Variants in CFAP74 observed in about 807,000 individuals in gnomAD.
CFAP74 encodes the protein cilia- and flagella-associated protein 74.
CFAP74 carries 124 observed loss-of-function variants against 188.9 expected under a neutral mutation model. The observed-to-expected ratio is 0.66, with a 90% CI of 0.57 to 0.76. CFAP74 has a LOEUF of 0.76. Ranked by LOEUF, CFAP74 falls within the 30% of genes least tolerant of loss-of-function variation. The probability of loss-of-function intolerance (pLI) is 0.00; values close to 1 mark genes in which losing one functional copy is unlikely to be tolerated. For missense variants in CFAP74, 2,198 were observed against 2,165.2 expected (o/e 1.02, Z -0.30); for synonymous variants, 956 against 916.7 (o/e 1.04, Z -0.77).
intron 24 of CFAP74, among the ~76,000 whole-genome samples, 161 bp from the exon 25 acceptor site, chr1:1,939,149 T>A (rs1653173434): frequency 6.6e-6 from 1 of 151,970 alleles, no homozygotes; most frequent in Non-Finnish European, 1.5e-5. Flanking sequence ...AGCAAGTGTG[T>A]GAGTGTGAGC....
chr1:1,963,599 A>C lies in CFAP74; in HGVS notation c.1694+150T>G, dbSNP rs549160412. The C allele has an allele frequency of 2.2e-4, 118 of 547,490 alleles. 3 individuals carry two copies. The South Asian group carries it at 3.1e-3, about 14-fold the overall frequency. The allele number at this position is 547,490 out of a possible 1,614,324, so 33.9% of individuals were successfully genotyped here. ...GGACGACTTTGACACAAGAAGACAG[A>C]GGAGCCCCCTCTACAAAATCTTCGT... is the stretch of plus-strand genomic sequence containing the variant. On this transcript the variant is annotated intron_variant, in intron 14 of 38. Transcript: ENST00000682832.
intron 32 of CFAP74, 127 bp downstream of exon 32, chr1:1,926,101 G>C: frequency 7.0e-7 from 1 of 1,420,518 alleles, no homozygotes; most frequent in Non-Finnish European, 9.3e-7. Context: ...CTGGGGGCCA[G>C]GCTGCTCGCA....
chr1:1,972,027 G>T lies in CFAP74; in HGVS notation c.841C>A (p.Arg281Ser). ...TTCAGCGCCACCACCGCATCCATGCGTCGCCTCATGTACTCGTGGCACTCC... is the reference window on the plus strand; with the variant it reads ...TTCAGCGCCACCACCGCATCCATGCTTCGCCTCATGTACTCGTGGCACTCC... ...EMECHEYMRR[R>S]MDAVVALKGS... The change falls in exon 9 of 39, where the codon CGC becomes AGC. Residue 281 changes from arginine to serine, a missense_variant. Physicochemically the swap from Arg to Ser is moderately radical, Grantham distance 110. Transcript: ENST00000682832. 6.2e-7 allele frequency: 1 copy of T among 1,612,830 alleles called. No individual in the cohort carries two copies. The highest frequency in any genetic ancestry group is 1.1e-5 in the South Asian group (1 of 91,088).
intron 25 of CFAP74, 94 bp from the exon 26 acceptor site, chr1:1,930,430 G>T: frequency 8.1e-7 from 1 of 1,231,664 alleles, no homozygotes; most frequent in Non-Finnish European, 1.1e-6. Context: ...GACAAGCCCC[G>T]GGGGGGGCTC....
Position 1,964,951 on chromosome 1 carries a change from C to A in CFAP74, c.1512G>T (p.Val504=), listed in dbSNP as rs757919304. The A allele has an allele frequency of 2.5e-6, 4 of 1,613,898 alleles. No homozygotes were observed. The highest frequency in any genetic ancestry group is 3.4e-6 in the Non-Finnish European group (4 of 1,179,990). The change falls in exon 13 of 39, where the codon GTG becomes GTT. Residue 504 remains valine (V), a synonymous_variant. Coordinates refer to ENST00000682832, the MANE Select transcript of CFAP74 (RefSeq NM_001304360.2). ...GTCCTTGGAACTCACGCCCCCACAC[C>A]ACCTGCTTGTGGACCACCCTGCTCC... The part of the protein sequence containing the change: ...RLRSRVVHKQ[V]VWGREFQGRP...
intron 11 of CFAP74, among the ~76,000 whole-genome samples, chr1:1,967,024 G>A (rs1655520306): frequency 6.6e-6 from 1 of 152,176 alleles, no homozygotes; most frequent in Non-Finnish European, 1.5e-5. Context: ...TTTTAGTAGA[G>A]ATGGGGTTTC....
chr1:1,973,995 G>A lies in CFAP74; in HGVS notation c.674+30C>T. Reference sequence around the variant, plus strand: ...AGGGGCTGGCAGAAGCTGCTGGGAAGGGATGGAGGTGGGCCTGGGTGTCGC... The same window carrying A: ...AGGGGCTGGCAGAAGCTGCTGGGAAAGGATGGAGGTGGGCCTGGGTGTCGC... On this transcript the variant is annotated intron_variant, in intron 7 of 38. Coordinates refer to ENST00000682832, the MANE Select transcript of CFAP74 (RefSeq NM_001304360.2). The surrounding 1 kb of genome is among the most constrained non-coding windows in gnomAD (Gnocchi z 6.2). 2.7e-6 allele frequency: 4 copies of A among 1,504,254 alleles called. No individual in the cohort carries two copies. Among genetic ancestry groups the A allele is most frequent in the Non-Finnish European group, 3.6e-6 (4 of 1,121,578 alleles). 93.2% of individuals were successfully genotyped at this position (1,504,254 alleles called of 1,614,324 possible). A position where few individuals can be genotyped will look rare whatever the true frequency, so the allele number is the denominator to read the frequency against.
At position 2,002,149 on chromosome 1, in the gene CFAP74, A is replaced by G. The variant is rs542525325; in HGVS notation, c.-20+1552T>C. Among the ~76,000 whole-genome samples, 11 of 152,140 alleles carry G rather than the reference A, an allele frequency of 7.2e-5. No homozygotes were observed. The South Asian group carries it at 2.3e-3, about 32-fold the overall frequency. On this transcript the variant is annotated intron_variant, in intron 1 of 38. Transcript: ENST00000682832. ...CTCGTTTGTGGAAAATACACTCTAC[A>G]AGGGTGGGGGGCGACAGAGCATCAT...
intron 18 of CFAP74, among the ~76,000 whole-genome samples, chr1:1,952,216 G>T (rs2102057289): frequency 6.6e-6 from 1 of 152,260 alleles, no homozygotes; most frequent in East Asian, 1.9e-4. Flanking sequence ...GCCTCCCAAA[G>T]TGCTGGGATT....
Position 1,926,882 on chromosome 1 carries a change from A to G in CFAP74, c.3662+12T>C. On this transcript the variant is annotated intron_variant, in intron 29 of 38. Coordinates refer to ENST00000682832, the MANE Select transcript of CFAP74 (RefSeq NM_001304360.2). ...GCTGACCACACCCTGTTCTGGCCAGAGCACCCCGCACCTGAAGCTCAGGGG... is the reference window on the plus strand; with the variant it reads ...GCTGACCACACCCTGTTCTGGCCAGGGCACCCCGCACCTGAAGCTCAGGGG... 1 of 1,549,948 alleles carries G rather than the reference A, an allele frequency of 6.5e-7. No individual in the cohort carries two copies. The highest frequency in any genetic ancestry group is 2.0e-5 in the Admixed American group (1 of 50,982).
rs149113126 is a variant in CFAP74, at chr1:1,960,320, C to T, written c.1695-290G>A. Among the ~76,000 whole-genome samples the T allele has an allele frequency of 3.1e-3, 476 of 152,372 alleles. 1 individual carries two copies. Among genetic ancestry groups the T allele is most frequent in the Non-Finnish European group, 5.9e-3 (401 of 68,032 alleles). On this transcript the variant is annotated intron_variant, in intron 14 of 38. Coordinates refer to ENST00000682832, the MANE Select transcript of CFAP74 (RefSeq NM_001304360.2). ...CCAGGCCAACTGCCAGGAAATGGGA[C>T]CCCATGGGTCGGAGAGGGCCACAGT...
At position 1,963,896 on chromosome 1, in the gene CFAP74, A is replaced by G. The variant is rs1366058223; in HGVS notation, c.1576-29T>C. Reference sequence around the variant, plus strand: ...GGAAAGGCCGAGGTAGCAGCTTCAGAGCGGGTCACAGGGGGCTGTGCTGTG... The same window carrying G: ...GGAAAGGCCGAGGTAGCAGCTTCAGGGCGGGTCACAGGGGGCTGTGCTGTG... On this transcript the variant is annotated intron_variant, in intron 13 of 38. Coordinates refer to ENST00000682832, the MANE Select transcript of CFAP74 (RefSeq NM_001304360.2). 5 of 1,453,862 alleles carry G rather than the reference A, an allele frequency of 3.4e-6. No homozygotes were observed. In the South Asian group the frequency reaches 4.6e-5, roughly 13 times the overall value. 90.1% of individuals were successfully genotyped at this position (1,453,862 alleles called of 1,614,324 possible).
At position 1,973,032 on chromosome 1, in the gene CFAP74, G is replaced by T. The variant is rs746034741; in HGVS notation, c.690C>A (p.Thr230=). The change falls in exon 8 of 39, where the codon ACC becomes ACA. Residue 230 remains threonine, a synonymous_variant. Coordinates refer to ENST00000682832, the MANE Select transcript of CFAP74 (RefSeq NM_001304360.2). This position sits in a 1 kb window ranked among gnomAD's most constrained non-coding sequence, Gnocchi z 6.2. ...GGTGCCTGAGCCCGAGCTCCTTCTG[G>T]GTGTTCAGGGACTTCCTGTGGGGAT... ...RLLRIRKSLN[T]QKELGLRHQK... The T allele has an allele frequency of 6.2e-7, 1 of 1,613,700 alleles. No individual in the cohort carries two copies. Among genetic ancestry groups the T allele is most frequent in the South Asian group, 1.1e-5 (1 of 91,038 alleles).
At chr1:1,959,296 G>A in intron 15 of CFAP74, 87 bp from the exon 16 acceptor site, 3 of 905,698 alleles carry the variant, frequency 3.3e-6, no homozygotes, top group Non-Finnish European at 5.2e-6. Flanking sequence ...TGGCTCTGTT[G>A]GCCAGGCTGG....
chr1:1,971,371 G>A (rs371975876), intron 9 of CFAP74, among the ~76,000 whole-genome samples: 11 of 146,508 alleles, frequency 7.5e-5, no homozygotes, highest in East Asian at 2.4e-4. Flanking sequence ...GCACACACAC[G>A]GTCACACATG....
intron 6 of CFAP74, among the ~76,000 whole-genome samples, chr1:1,981,352 C>A (rs145779072): frequency 8.7e-4 from 133 of 152,304 alleles, no homozygotes; most frequent in African/African-American, 3.1e-3. Context: ...CGGGACCCAG[C>A]GGGAAAGCGC....
At chr1:1,947,384 G>A (rs911405851) in intron 18 of CFAP74, among the ~76,000 whole-genome samples, 2 of 152,246 alleles carry the variant, frequency 1.3e-5, no homozygotes, top group Admixed American at 1.3e-4. Flanking sequence ...TTTTGGGGAT[G>A]TTTCTTCTCT....
chr1:1,986,922 G>T lies in CFAP74; in HGVS notation c.395+15C>A, dbSNP rs745494190. 204 of 1,596,156 alleles carry T rather than the reference G, an allele frequency of 1.3e-4. No individual in the cohort carries two copies. Among genetic ancestry groups the T allele is most frequent in the Non-Finnish European group, 6.6e-5 (78 of 1,176,194 alleles). ...CTCATGCCCGGTTCCCTGCCCCCTG[G>T]CGAGGGCCACCTACATGTTGCCCGC... On this transcript the variant is annotated intron_variant, in intron 5 of 38. Coordinates refer to ENST00000682832, the MANE Select transcript of CFAP74 (RefSeq NM_001304360.2).
At chr1:1,987,186 C>T in intron 4 of CFAP74, 151 bp from the exon 5 acceptor site, 1 of 598,726 alleles carries the variant, frequency 1.7e-6, no homozygotes, top group Non-Finnish European at 2.9e-6. Flanking sequence ...ACCTTCAAGC[C>T]ACACAAGCAG....
Sources: gnomAD v4.1 joint callset for allele counts (sites outside exome capture counted in the v4.1 genomes callset) on GRCh38, gnomAD v4.1.1 for gene constraint, Gnocchi (gnomAD v3.1) non-coding constraint, MANE v1.5 for transcripts, NCBI Gene and HGNC (gene_info 2026-07-23, HGNC 2026-07-21) for gene names.